Variants in ELP4 observed in about 807,000 individuals in gnomAD.
ELP4 encodes the protein elongator complex protein 4.
ELP4 carries 51 observed loss-of-function variants against 48.9 expected under a neutral mutation model. That is an observed-to-expected ratio of 1.04 (90% confidence interval 0.83 to 1.32). The LOEUF is 1.32. Ranked by LOEUF, ELP4 falls within the 40% of genes most tolerant of loss-of-function variation. The pLI is 0.00. For missense variants in ELP4, 519 were observed against 514.6 expected, an observed-to-expected ratio of 1.01 and a Z score of -0.08; for synonymous variants, 210 against 189.2, an observed-to-expected ratio of 1.11 and a Z score of -0.90.
intron 1 of ELP4, among the ~76,000 whole-genome samples, chr11:31,514,444 G>C (rs910687841): frequency 2.0e-5 from 3 of 152,148 alleles, no homozygotes; most frequent in African/African-American, 7.2e-5. Context: ...GGGTGACAGT[G>C]AGACCCCATC....
At chr11:31,515,009 G>A (rs1262830658) in intron 1 of ELP4, among the ~76,000 whole-genome samples, 1 of 126,390 alleles carries the variant, frequency 7.9e-6, no homozygotes, top group African/African-American at 3.1e-5. Context: ...GCATGTGTGT[G>A]TGTGTGTGTG....
Position 31,662,284 on chromosome 11 carries a change from C to G in ELP4, c.1143+12063C>G, listed in dbSNP as rs150375283. Among the ~76,000 whole-genome samples the G allele has an allele frequency of 2.8e-3, 420 of 152,170 alleles. 4 individuals are homozygous for G. Among genetic ancestry groups the G allele is most frequent in the East Asian group, 0.024 (123 of 5,194 alleles). ...CTATAAACATGAGCAATTTCTTTAGCATTCAATTATTATCACATTCCAATC... is the reference window on the plus strand; with the variant it reads ...CTATAAACATGAGCAATTTCTTTAGGATTCAATTATTATCACATTCCAATC... On this transcript the variant is annotated intron_variant, in intron 9 of 9. Transcript: ENST00000640961.
At chr11:31,569,743 C>G (rs1035446280) in intron 3 of ELP4, among the ~76,000 whole-genome samples, 3 of 152,084 alleles carry the variant, frequency 2.0e-5, no homozygotes, top group African/African-American at 7.2e-5. Flanking sequence ...GGAAGACATA[C>G]AAATGGCCAA....
chr11:31,533,433 A>C (rs1322385788), intron 2 of ELP4, among the ~76,000 whole-genome samples: 1 of 122,996 alleles, frequency 8.1e-6, no homozygotes, highest in East Asian at 2.6e-4. Context: ...GCCAGACTGC[A>C]GTGGCGCTAT....
At chr11:31,697,294 A>G (rs1946429889) in intron 9 of ELP4, among the ~76,000 whole-genome samples, 1 of 152,176 alleles carries the variant, frequency 6.6e-6, no homozygotes, top group South Asian at 2.1e-4. Context: ...CAGTAGGATA[A>G]TAATAGCTCT....
At chr11:31,659,433 A>G (rs1184372591) in intron 9 of ELP4, among the ~76,000 whole-genome samples, 1 of 152,126 alleles carries the variant, frequency 6.6e-6, no homozygotes, top group African/African-American at 2.4e-5. Context: ...GAAACTGAGT[A>G]TTTGGCTTCA....
intron 9 of ELP4, among the ~76,000 whole-genome samples, chr11:31,709,478 C>T (rs1946697111): frequency 6.6e-6 from 1 of 152,058 alleles, no homozygotes; most frequent in East Asian, 1.9e-4. Context: ...GTTTATTACT[C>T]TGTAATGATA....
chr11:31,751,230 C>T (rs972547701), intron 9 of ELP4, among the ~76,000 whole-genome samples: 2 of 152,156 alleles, frequency 1.3e-5, no homozygotes, highest in African/African-American at 4.8e-5. Flanking sequence ...CTGACTATGG[C>T]CGTATCCAAG....
Position 31,588,753 on chromosome 11 carries a change from C to T in ELP4, c.382-6017C>T, listed in dbSNP as rs184815990. Among the ~76,000 whole-genome samples the T allele has an allele frequency of 3.9e-4, 59 of 152,176 alleles. 2 individuals are homozygous for T. In the East Asian group the frequency reaches 8.9e-3, roughly 23 times the overall value. On this transcript the variant is annotated intron_variant, in intron 3 of 9. Coordinates refer to ENST00000640961, the MANE Select transcript of ELP4 (RefSeq NM_019040.5). Reference sequence around the variant, plus strand: ...ATCCCAACACTTTGGGAGGCTAAGGCGGGCAGATCACTTGAGGTCAGGAGT... The same window carrying T: ...ATCCCAACACTTTGGGAGGCTAAGGTGGGCAGATCACTTGAGGTCAGGAGT...
At chr11:31,771,014 T>G (rs1024142537) in intron 9 of ELP4, among the ~76,000 whole-genome samples, 2 of 152,192 alleles carry the variant, frequency 1.3e-5, no homozygotes, top group African/African-American at 4.8e-5. Flanking sequence ...GATGGTGGTA[T>G]ATTTATTGCT....
At chr11:31,783,062 T>C (rs1948416042) in intron 9 of ELP4, among the ~76,000 whole-genome samples, 1 of 152,240 alleles carries the variant, frequency 6.6e-6, no homozygotes, top group Non-Finnish European at 1.5e-5. Flanking sequence ...ATGCGATATT[T>C]CCAACGTTGC....
chr11:31,693,773 C>T (rs1946334958), intron 9 of ELP4, among the ~76,000 whole-genome samples: 1 of 152,186 alleles, frequency 6.6e-6, no homozygotes, highest in African/African-American at 2.4e-5. Flanking sequence ...TTTACAGTCC[C>T]ACCAACAGTG....
intron 2 of ELP4, among the ~76,000 whole-genome samples, chr11:31,538,612 C>G (rs1259413563): frequency 1.3e-5 from 2 of 150,734 alleles, no homozygotes; most frequent in African/African-American, 2.4e-5. Context: ...TTGTAGATCC[C>G]ATGTGTCAAG....
chr11:31,648,390 C>G (rs572041820), intron 8 of ELP4: 1 of 150,964 alleles, frequency 6.6e-6, no homozygotes, highest in East Asian at 2.0e-4. Flanking sequence ...ATAAACACAG[C>G]AGAATTCATC....
At chr11:31,702,547 A>T (rs1415439081) in intron 9 of ELP4, among the ~76,000 whole-genome samples, 1 of 152,092 alleles carries the variant, frequency 6.6e-6, no homozygotes, top group Non-Finnish European at 1.5e-5. Context: ...TGGTTAAGAG[A>T]TAAATTTTAT....
intron 5 of ELP4, among the ~76,000 whole-genome samples, chr11:31,614,675 G>A (rs548798121): frequency 1.3e-5 from 2 of 152,146 alleles, no homozygotes; most frequent in Non-Finnish European, 2.9e-5. Context: ...ATGATCAAAA[G>A]CATGTATCAC....
chr11:31,590,492 T>TATGAGGTATTATG (rs2133983791), intron 3 of ELP4, among the ~76,000 whole-genome samples: 1 of 152,280 alleles, frequency 6.6e-6, no homozygotes, highest in South Asian at 2.1e-4. Flanking sequence ...CTTCGTGACT[T>TATGAGGTATTATG]CGAATGAGGC....
chr11:31,706,032 T>G (rs1322217659), intron 9 of ELP4, among the ~76,000 whole-genome samples: 3 of 152,100 alleles, frequency 2.0e-5, no homozygotes, highest in Non-Finnish European at 2.9e-5. Flanking sequence ...TTTTATTTTT[T>G]ATAAATAAAG....
At chr11:31,534,553 A>G (rs1251171277) in intron 2 of ELP4, among the ~76,000 whole-genome samples, 1 of 152,190 alleles carries the variant, frequency 6.6e-6, no homozygotes, top group Non-Finnish European at 1.5e-5. Flanking sequence ...AGCCTTAAAC[A>G]TGTTAGCTAC....
Sources: allele counts gnomAD v4.1 joint callset (sites outside exome capture counted in the v4.1 genomes callset), GRCh38; gene constraint gnomAD v4.1.1; transcripts MANE v1.5; gene names NCBI Gene and HGNC (gene_info 2026-07-23, HGNC 2026-07-21).